Variants in ENO3 observed in about 807,000 individuals in gnomAD.
ENO3 encodes the protein enolase 3, also known as beta-enolase.
In ENO3, 46 loss-of-function variants were observed where a neutral mutation model predicts 47.7. The ratio of observed to expected loss-of-function variants is 0.96; its 90% confidence interval spans 0.76 to 1.23. The LOEUF is 1.23. ENO3 is among the 50% of genes most tolerant of loss of function. ENO3 has a pLI of 0.00. For missense variants in ENO3, 575 were observed against 566.2 expected (o/e 1.02, Z -0.16); for synonymous variants, 223 against 225.9 (o/e 0.99, Z 0.11).
At chr17:4,952,085 G>C (rs1567669944) in intron 2 of ENO3, 171 bp downstream of exon 2, 1 of 750,440 alleles carries the variant, frequency 1.3e-6, no homozygotes, top group Non-Finnish European at 2.3e-6. Context: ...GGAGAAGCAG[G>C]AGTCTCTCTC....
In ENO3 at chr17:4,951,931, T is replaced by C; in HGVS notation, c.85+17T>C. 1.2e-6 allele frequency: 2 copies of C among 1,613,974 alleles called. No individual in the cohort carries two copies. The highest frequency in any genetic ancestry group is 1.7e-5 in the Admixed American group (1 of 60,014). The stretch of plus-strand genomic sequence containing the variant: ...CGGCCAAGGGTAACACAAGGCCCAT[T>C]GGATAGGCTCGCCTCCGAAGACCCC... On this transcript the variant is annotated intron_variant, in intron 2 of 11. Transcript: ENST00000519602.
intron 6 of ENO3, 116 bp downstream of exon 6, chr17:4,953,961 C>A: frequency 6.6e-7 from 1 of 1,505,678 alleles, no homozygotes; most frequent in Non-Finnish European, 9.1e-7. Context: ...GAAGCAGTTT[C>A]CTGAAATTGA....
intron 1 of ENO3, 128 bp from the exon 2 acceptor site, chr17:4,951,700 C>A: frequency 9.6e-7 from 1 of 1,045,836 alleles, no homozygotes; most frequent in Middle Eastern, 2.3e-4. Flanking sequence ...GGTCTGTGAC[C>A]TTTTTGTAGG....
rs761323443 is a variant in ENO3 at position 4,953,741 on chromosome 17, G to A, written c.340G>A (p.Val114Met). The A allele has an allele frequency of 6.8e-6, 11 of 1,614,212 alleles. No homozygotes were observed. The South Asian group carries it at 7.7e-5, about 11-fold the overall frequency. Reference sequence around the variant, plus strand: ...GTTTGGGGCCAATGCCATCCTGGGCGTGTCCTTGGCCGTGTGTAAGGCGGG... The same window carrying A: ...GTTTGGGGCCAATGCCATCCTGGGCATGTCCTTGGCCGTGTGTAAGGCGGG... ...SKFGANAILG[V>M]SLAVCKAGAA... The change falls in exon 6 of 12, where the codon GTG (valine) becomes ATG (methionine). Residue 114 changes from valine to methionine, a missense_variant. Coordinates refer to ENST00000519602, the MANE Select transcript of ENO3 (RefSeq NM_053013.4).
chr17:4,956,836 G>C lies in ENO3; in HGVS notation c.1182G>C (p.Lys394Asn), dbSNP rs781432053. The part of the protein sequence containing the change: ...LVVGLCTGQI[K>N]TGAPCRSERL... ...AATTCTTCTTCCCTCATCAGATCAA[G>C]ACTGGCGCCCCCTGCCGCTCGGAGC... Residue 394 changes from lysine (K) to asparagine (N), a missense_variant, in exon 11 of 12, where the codon AAG (lysine) becomes AAC (asparagine). Lys to Asn is a moderately conservative substitution (Grantham distance 94). Transcript: ENST00000519602. The C allele has an allele frequency of 2.5e-6, 4 of 1,614,044 alleles. No homozygotes were observed. The South Asian group carries it at 4.4e-5, about 18-fold the overall frequency.
At chr17:4,951,063 C>G (rs879184006), upstream of ENO3, 19 of 985,492 alleles carry the variant, frequency 1.9e-5, no homozygotes, top group Non-Finnish European at 2.3e-5. Context: ...AGAGGCGGGG[C>G]TGGCTGGGGA....
At position 4,953,117 on chromosome 17, in the gene ENO3, G is replaced by A. The variant is rs768540512; in HGVS notation, c.240+8G>A. 1.2e-5 allele frequency: 19 copies of A among 1,613,964 alleles called. No homozygotes were observed. Among genetic ancestry groups the A allele is most frequent in the Non-Finnish European group, 1.6e-5 (19 of 1,179,970 alleles). ...CCTGCTCTGCTGCAAAAGGCAAGTGGGGAAGCCCGCTCGCTGCAGCCTCCT... is the reference window on the plus strand; with the variant it reads ...CCTGCTCTGCTGCAAAAGGCAAGTGAGGAAGCCCGCTCGCTGCAGCCTCCT... On this transcript the variant is annotated splice_region_variant and intron_variant, in intron 4 of 11. Transcript: ENST00000519602.
intron 2 of ENO3, 55 bp downstream of exon 2, chr17:4,951,969 T>TTTGCCCCCCAGTTCTGTGCCA: frequency 6.3e-7 from 1 of 1,588,124 alleles, no homozygotes; most frequent in African/African-American, 1.3e-5. Context: ...CCCTTTGGCC[T>TTTGCCCCCCAGTTCTGTGCCA]TTGCCCCCCA....
At chr17:4,955,828 T>TCTGTCTCTGCC (rs1194633413) in intron 8 of ENO3, 114 bp from the exon 9 acceptor site, 99 of 611,504 alleles carry the variant, frequency 1.6e-4, no homozygotes, top group African/African-American at 1.4e-3. Context: ...CTGTCTCTGC[T>TCTGTCTCTGCC]CTGTCTCTGC....
chr17:4,950,397 T>A (rs1005497144), upstream of ENO3: 4 of 204,672 alleles, frequency 2.0e-5, no homozygotes, highest in African/African-American at 9.4e-5. Flanking sequence ...CCCCATTCAT[T>A]GATGGGCTGG....
chr17:4,949,010 G>A (rs2283568), upstream of ENO3: 12,856 of 151,874 alleles, frequency 0.085, 700 homozygotes, highest in Non-Finnish European at 0.12. Context: ...CGCCGGGGCC[G>A]GGAGTGCATG....
chr17:4,954,953 C>G lies in ENO3; in HGVS notation c.445-122C>G, dbSNP rs185502384. Reference sequence around the variant, plus strand: ...AAAGAGGCTCTTGAGCAAAACTACTCATCCTAGACCACTGAGCTAGTAAGT... The same window carrying G: ...AAAGAGGCTCTTGAGCAAAACTACTGATCCTAGACCACTGAGCTAGTAAGT... On this transcript the variant is annotated intron_variant, in intron 6 of 11. Transcript: ENST00000519602. 164 of 714,830 alleles carry G rather than the reference C, an allele frequency of 2.3e-4. 4 individuals carry two copies. The East Asian group carries it at 4.5e-3, about 20-fold the overall frequency. The allele number at this position is 714,830 out of a possible 1,614,324, so 44.3% of individuals were successfully genotyped here.
chr17:4,953,153 C>T (rs371406227), intron 4 of ENO3, 44 bp downstream of exon 4: 15 of 1,613,978 alleles, frequency 9.3e-6, no homozygotes, highest in Non-Finnish European at 1.2e-5. Context: ...CCCCATGCCC[C>T]TGCTCCCTCA....
At chr17:4,952,745 GGCCA>G in intron 2 of ENO3, 46 bp from the exon 3 acceptor site, 1 of 1,551,946 alleles carries the variant, frequency 6.4e-7, no homozygotes, top group African/African-American at 1.4e-5. Context: ...TACAGGCATG[GGCCA>G]CCGCGCCCAG....
At chr17:4,948,765 A>C (rs921510381), upstream of ENO3, 19 of 258,594 alleles carry the variant, frequency 7.3e-5, no homozygotes, top group African/African-American at 3.9e-4. Flanking sequence ...AGAGAGGTGA[A>C]GGGTAGGGTT....
chr17:4,951,675 T>C, intron 1 of ENO3, 153 bp from the exon 2 acceptor site: 1 of 777,606 alleles, frequency 1.3e-6, no homozygotes, highest in Non-Finnish European at 2.2e-6. Context: ...GGGAGGGGGC[T>C]GCGCCTGCCT....
rs1307274367 is a variant in ENO3, at chr17:4,953,088, G to A, written c.219G>A (p.Leu73=). 5.6e-6 allele frequency: 9 copies of A among 1,614,032 alleles called. No individual in the cohort carries two copies. In the Admixed American group the frequency reaches 1.3e-4, roughly 24 times the overall value. The change falls in exon 4 of 12, where the codon CTG becomes CTA. Residue 73 remains leucine (L), a synonymous_variant. Coordinates refer to ENST00000519602, the MANE Select transcript of ENO3 (RefSeq NM_053013.4). The part of the protein sequence containing the change: ...LKAVENINNT[L]GPALLQKKLS... The stretch of plus-strand genomic sequence containing the variant: ...CTGTGGAGAACATCAACAATACTCT[G>A]GGCCCTGCTCTGCTGCAAAAGGCAA...
chr17:4,954,512 G>A (rs958634734), intron 6 of ENO3, among the ~76,000 whole-genome samples: 12 of 152,214 alleles, frequency 7.9e-5, no homozygotes, highest in African/African-American at 2.7e-4. Context: ...CTATATAAAA[G>A]TGTTAGCTAT....
intron 2 of ENO3, 41 bp downstream of exon 2, chr17:4,951,955 C>G: frequency 6.2e-7 from 1 of 1,607,638 alleles, no homozygotes; most frequent in Non-Finnish European, 8.5e-7. Flanking sequence ...TCCGAAGACC[C>G]CAACCCTTTG....
Sources: gnomAD v4.1 joint callset for allele counts (sites outside exome capture counted in the v4.1 genomes callset) on GRCh38, gnomAD v4.1.1 for gene constraint, MANE v1.5 for transcripts, NCBI Gene and HGNC (gene_info 2026-07-23, HGNC 2026-07-21) for gene names.